The following ACTR3C variants were observed in gnomAD, a reference collection of about 807,000 sequenced individuals.
ACTR3C encodes actin related protein 3C.
In ACTR3C, 18 loss-of-function variants were observed where a neutral mutation model predicts 26.3. The observed-to-expected ratio is 0.68, with a 90% CI of 0.47 to 1.01. The LOEUF (loss-of-function observed/expected upper bound fraction) is 1.01, where lower values mean the gene tolerates loss of function less well. Ranked by LOEUF, ACTR3C falls within the 50% of genes least tolerant of loss-of-function variation. The pLI is 0.00. For synonymous variants in ACTR3C, 55 were observed against 94.5 expected (o/e 0.58, Z 2.42); for missense variants, 184 against 250.7 (o/e 0.73, Z 1.80).
chr7:150,204,942 C>T, the ACTR3C span, among the ~76,000 whole-genome samples: 1 of 152,192 alleles, frequency 6.6e-6, no homozygotes, highest in African/African-American at 2.4e-5. Context: ...AAGAGAAGGG[C>T]CTCCTGTCTT....
At chr7:150,180,664 C>G in the ACTR3C span, among the ~76,000 whole-genome samples, 1 of 149,032 alleles carries the variant, frequency 6.7e-6, no homozygotes, top group Non-Finnish European at 1.5e-5. Context: ...AGGCGCGCGC[C>G]ACCACGCCTG....
chr7:150,034,038 G>T, the ACTR3C span, among the ~76,000 whole-genome samples: 22 of 152,010 alleles, frequency 1.4e-4, no homozygotes, highest in East Asian at 3.7e-3. Context: ...AGCCAGGGGG[G>T]GAAGAGGGGT....
At chr7:149,942,525 C>A in the ACTR3C span, among the ~76,000 whole-genome samples, 1 of 151,870 alleles carries the variant, frequency 6.6e-6, no homozygotes, top group African/African-American at 2.4e-5. Context: ...CATCAAGATC[C>A]CAGGCAGCTG....
At chr7:150,084,629 G>A in the ACTR3C span, among the ~76,000 whole-genome samples, 4 of 152,260 alleles carry the variant, frequency 2.6e-5, no homozygotes, top group African/African-American at 4.8e-5. Context: ...AATAGAACGC[G>A]GGCTGATATG....
the ACTR3C span, among the ~76,000 whole-genome samples, chr7:149,982,666 G>A: frequency 4.0e-3 from 615 of 152,122 alleles, 6 homozygotes; most frequent in African/African-American, 0.014. Flanking sequence ...GTGCCTGGTG[G>A]TGTGTCCAGG....
the ACTR3C span, among the ~76,000 whole-genome samples, chr7:150,040,130 A>C: frequency 9.5e-5 from 14 of 147,688 alleles, 3 homozygotes; most frequent in African/African-American, 3.5e-4. Context: ...CCATCACAAA[A>C]TGGGGGGCCT....
the ACTR3C span, among the ~76,000 whole-genome samples, chr7:149,903,711 T>C: frequency 3.3e-5 from 5 of 150,912 alleles, no homozygotes; most frequent in African/African-American, 1.2e-4. Flanking sequence ...GTAGCTAATT[T>C]ATTTTTATTT....
the ACTR3C span, among the ~76,000 whole-genome samples, chr7:150,003,558 G>A: frequency 3.4e-4 from 51 of 152,108 alleles, no homozygotes; most frequent in Admixed American, 8.5e-4. Context: ...GTGGTATGTA[G>A]GATGTGTGTT....
At chr7:150,080,512 AGTGTTTGTGTGTGTATGT>A in the ACTR3C span, among the ~76,000 whole-genome samples, 18 of 127,856 alleles carry the variant, frequency 1.4e-4, no homozygotes, top group African/African-American at 5.1e-4. Context: ...CTGCTGTATG[AGTGTTTGTGTGTGTATGT>A]GTGTGTGTGT....
chr7:149,906,426 T>G, the ACTR3C span, among the ~76,000 whole-genome samples: 1 of 49,410 alleles, frequency 2.0e-5, no homozygotes, highest in African/African-American at 7.8e-5. Flanking sequence ...TTTTTTTTTT[T>G]TTTTTTTTTT....
chr7:150,074,493 C>T, the ACTR3C span: 1 of 152,046 alleles, frequency 6.6e-6, no homozygotes, highest in South Asian at 2.1e-4. Context: ...AGGGTTCTTA[C>T]TGGGGGTTAG....
the ACTR3C span, among the ~76,000 whole-genome samples, chr7:150,060,733 G>C: frequency 6.6e-6 from 1 of 152,158 alleles, no homozygotes; most frequent in Admixed American, 6.5e-5. Flanking sequence ...CCAGCCCCGG[G>C]AGCCCGGGCT....
the ACTR3C span, among the ~76,000 whole-genome samples, chr7:150,037,072 G>T: frequency 2.6e-5 from 3 of 113,492 alleles, no homozygotes; most frequent in African/African-American, 9.3e-5. Context: ...CGCGGGGGGT[G>T]CCTCCCCCTC....
At position 150,276,936 on chromosome 7, in the gene ACTR3C, C is replaced by T. The variant is rs1476922324; in HGVS notation, c.564+7817G>A. 2.6e-5 allele frequency among the ~76,000 whole-genome samples: 4 copies of T among 152,330 alleles called. No homozygotes were observed. The East Asian group carries it at 7.7e-4, about 29-fold the overall frequency. On this transcript the variant is annotated intron_variant, in intron 6 of 7. Transcript: ENST00000683684. ...CAGGGCACAGCACCCAGTGATTTAA[C>T]CAGACACTAACCGAGGTGTTGCTGT...
chr7:150,158,254 G>A, the ACTR3C span, among the ~76,000 whole-genome samples: 2 of 151,930 alleles, frequency 1.3e-5, no homozygotes, highest in Admixed American at 1.3e-4. Flanking sequence ...ACGGCAAATT[G>A]TTATAGTCAT....
chr7:150,212,789 C>G, the ACTR3C span, among the ~76,000 whole-genome samples: 1 of 152,068 alleles, frequency 6.6e-6, no homozygotes, highest in African/African-American at 2.4e-5. Flanking sequence ...ACTGCGTGCT[C>G]AGATGGAGAA....
Position 150,311,562 on chromosome 7 carries a change from C to T in ACTR3C, c.-52+11907G>A, listed in dbSNP as rs866364337. On this transcript the variant is annotated intron_variant, in intron 1 of 7. Coordinates refer to ENST00000683684, the MANE Select transcript of ACTR3C (RefSeq NM_001164458.2). ...CCCAACAGTAACTATTGCCCATGGG[C>T]CCGATTTCAACCCAGCTTCTCACTT... Among the ~76,000 whole-genome samples the T allele has an allele frequency of 1.7e-4, 26 of 152,284 alleles. 1 individual carries two copies. The Middle Eastern group carries it at 0.01, about 60-fold the overall frequency.
At chr7:149,963,878 T>C in the ACTR3C span, among the ~76,000 whole-genome samples, 2 of 152,164 alleles carry the variant, frequency 1.3e-5, no homozygotes, top group African/African-American at 4.8e-5. Flanking sequence ...CCAGAGCTAC[T>C]TTTTTTTGGA....
intron 1 of ACTR3C, among the ~76,000 whole-genome samples, chr7:150,316,291 T>G (rs369835843): frequency 7.2e-5 from 11 of 152,318 alleles, no homozygotes; most frequent in African/African-American, 2.6e-4. Context: ...CTGTTTAAAC[T>G]TTTTATTCCA....
Sources: allele counts gnomAD v4.1 joint callset (sites outside exome capture counted in the v4.1 genomes callset), GRCh38; gene constraint gnomAD v4.1.1; transcripts MANE v1.5; gene names NCBI Gene and HGNC (gene_info 2026-07-23, HGNC 2026-07-21).